The following LMNB1 variants were observed in gnomAD, a reference collection of about 807,000 sequenced individuals.
LMNB1 encodes the protein lamin-B1.
LMNB1 carries 23 observed loss-of-function variants against 67.1 expected under a neutral mutation model. The observed-to-expected ratio is 0.34, with a 90% CI of 0.25 to 0.49. The LOEUF (loss-of-function observed/expected upper bound fraction) is 0.49, where lower values mean the gene tolerates loss of function less well. LMNB1 is among the 20% of genes least tolerant of loss of function. The probability of loss-of-function intolerance (pLI) is 0.99; values close to 1 mark genes in which losing one functional copy is unlikely to be tolerated. For synonymous variants in LMNB1, 281 were observed against 282.9 expected (o/e 0.99, Z 0.07); for missense variants, 634 against 746.5 (o/e 0.85, Z 1.76).
chr5:126,814,595 A>G (rs774987211), intron 5 of LMNB1, among the ~76,000 whole-genome samples: 9 of 151,668 alleles, frequency 5.9e-5, no homozygotes, highest in East Asian at 3.9e-4. Context: ...CTGGAGTGCA[A>G]TGGCACTATC....
At chr5:126,832,046 A>G (rs1307806820) in intron 9 of LMNB1, among the ~76,000 whole-genome samples, 4 of 152,084 alleles carry the variant, frequency 2.6e-5, no homozygotes, top group Non-Finnish European at 5.9e-5. Context: ...TGGGTGGATC[A>G]CTTGAAACCA....
intron 1 of LMNB1, among the ~76,000 whole-genome samples, chr5:126,793,426 G>C (rs1249175568): frequency 6.6e-6 from 1 of 152,116 alleles, no homozygotes; most frequent in African/African-American, 2.4e-5. Flanking sequence ...GCCTGAGTCT[G>C]ATTAGGTTGT....
chr5:126,794,636 C>A (rs1210936931), intron 1 of LMNB1, among the ~76,000 whole-genome samples: 1 of 152,154 alleles, frequency 6.6e-6, no homozygotes, highest in Non-Finnish European at 1.5e-5. Flanking sequence ...GGCTACCAGA[C>A]AGCTGTTCAG....
At position 126,826,020 on chromosome 5, in the gene LMNB1, C is replaced by T. The variant is rs141285325; in HGVS notation, c.1524C>T (p.Ser508=). 9 of 1,613,758 alleles carry T rather than the reference C, an allele frequency of 5.6e-6. No individual in the cohort carries two copies. In the African/African-American group the frequency reaches 6.7e-5, roughly 12 times the overall value. ...IWAANAGVTA[S]PPTDLIWKNQ... ...CTGCAAACGCTGGTGTCACAGCCAGCCCCCCAACTGACCTCATCTGGAAGA... is the reference window on the plus strand; with the variant it reads ...CTGCAAACGCTGGTGTCACAGCCAGTCCCCCAACTGACCTCATCTGGAAGA... The change falls in exon 9 of 11, where the codon AGC becomes AGT. Residue 508 remains serine, a synonymous_variant. Transcript: ENST00000261366.
intron 3 of LMNB1, among the ~76,000 whole-genome samples, chr5:126,809,831 ATTT>A (rs1751540807): frequency 1.3e-5 from 2 of 152,316 alleles, no homozygotes; most frequent in South Asian, 4.1e-4. Context: ...CAGAAAAATA[ATTT>A]TTGCTTAGTG....
At chr5:126,788,218 A>G (rs1218053904) in intron 1 of LMNB1, among the ~76,000 whole-genome samples, 1 of 152,180 alleles carries the variant, frequency 6.6e-6, no homozygotes, top group East Asian at 1.9e-4. Flanking sequence ...TCAGTGAATT[A>G]GTGGTGTTTG....
At chr5:126,801,280 A>G (rs932174805) in intron 1 of LMNB1, among the ~76,000 whole-genome samples, 3 of 151,982 alleles carry the variant, frequency 2.0e-5, no homozygotes, top group Non-Finnish European at 2.9e-5. Flanking sequence ...AACAATTTAT[A>G]TTTTCATAGA....
intron 7 of LMNB1, 144 bp from the exon 8 acceptor site, chr5:126,822,637 T>G: frequency 1.8e-6 from 1 of 545,778 alleles, no homozygotes; most frequent in South Asian, 2.6e-5. Context: ...CGTGTTTTCT[T>G]TTTATAGTAG....
At chr5:126,804,255 T>TTTTTG (rs1167834175) in intron 1 of LMNB1, among the ~76,000 whole-genome samples, 8 of 148,298 alleles carry the variant, frequency 5.4e-5, no homozygotes, top group Non-Finnish European at 1.2e-4. Context: ...TTTTTTTTTT[T>TTTTTG]TTTGTAGATT....
At chr5:126,824,283 A>G (rs1455275992) in intron 8 of LMNB1, among the ~76,000 whole-genome samples, 2 of 152,264 alleles carry the variant, frequency 1.3e-5, no homozygotes, top group African/African-American at 2.4e-5. Context: ...GCATTAAAGT[A>G]AAAAAGAAAG....
chr5:126,820,174 A>G (rs1260432633), intron 6 of LMNB1, among the ~76,000 whole-genome samples: 4 of 152,142 alleles, frequency 2.6e-5, no homozygotes, highest in Non-Finnish European at 5.9e-5. Context: ...AAAAAGTTCC[A>G]AAAGGAAAGT....
At chr5:126,787,897 T>C (rs62391738) in intron 1 of LMNB1, among the ~76,000 whole-genome samples, 12,378 of 151,718 alleles carry the variant, frequency 0.082, 580 homozygotes, top group Non-Finnish European at 0.11. Flanking sequence ...GGAAGGGGAT[T>C]GTATTTTTAG....
chr5:126,781,043 CTT>C (rs1207755641), intron 1 of LMNB1, among the ~76,000 whole-genome samples: 1 of 152,142 alleles, frequency 6.6e-6, no homozygotes, highest in Non-Finnish European at 1.5e-5. Context: ...CTGTAAAGCA[CTT>C]TGAGAGGCCT....
chr5:126,823,064 T>A (rs1344528415), intron 8 of LMNB1, among the ~76,000 whole-genome samples, 179 bp downstream of exon 8: 2 of 152,224 alleles, frequency 1.3e-5, no homozygotes, highest in African/African-American at 2.4e-5. Flanking sequence ...TTGAGAGTAG[T>A]GAAGAATGGA....
At chr5:126,812,995 C>A (rs1197743164) in intron 5 of LMNB1, among the ~76,000 whole-genome samples, 1 of 152,176 alleles carries the variant, frequency 6.6e-6, no homozygotes, top group East Asian at 1.9e-4. Flanking sequence ...TCCCAGAGTG[C>A]TGGGATTACA....
intron 1 of LMNB1, among the ~76,000 whole-genome samples, chr5:126,787,546 ATTTT>A (rs142332901): frequency 1.2e-4 from 8 of 65,584 alleles, no homozygotes; most frequent in African/African-American, 5.3e-4. Flanking sequence ...ATATATATAT[ATTTT>A]TTTTTTTTTT....
rs1052239762 is a variant in LMNB1, at chr5:126,777,664, C to T, written c.156C>T (p.Ser52=). The change falls in exon 1 of 11, where the codon AGC becomes AGT. Residue 52 remains serine (S), a synonymous_variant. Transcript: ENST00000261366. ...RLAVYIDKVR[S]LETENSALQL... is the part of the protein sequence containing the mutation. ...CGGTGTACATCGACAAGGTGCGCAG[C>T]CTGGAGACGGAGAACAGCGCGCTGC... 4 of 1,544,818 alleles carry T rather than the reference C, an allele frequency of 2.6e-6. No homozygotes were observed. Among genetic ancestry groups the T allele is most frequent in the Non-Finnish European group, 3.5e-6 (4 of 1,144,874 alleles).
At chr5:126,806,960 A>C (rs1191597728) in intron 3 of LMNB1, among the ~76,000 whole-genome samples, 1 of 151,904 alleles carries the variant, frequency 6.6e-6, no homozygotes, top group Non-Finnish European at 1.5e-5. Flanking sequence ...TGTATTTTTA[A>C]TAGAGACGAG....
intron 1 of LMNB1, among the ~76,000 whole-genome samples, chr5:126,778,839 GTGTT>G (rs1393928153): frequency 6.6e-6 from 1 of 152,204 alleles, no homozygotes; most frequent in African/African-American, 2.4e-5. Flanking sequence ...TAAATGCTGA[GTGTT>G]TGAGCGAAGG....
Sources: allele counts gnomAD v4.1 joint callset (sites outside exome capture counted in the v4.1 genomes callset), GRCh38; gene constraint gnomAD v4.1.1; transcripts MANE v1.5; gene names NCBI Gene and HGNC (gene_info 2026-07-23, HGNC 2026-07-21).